OPHN1: variants seen among roughly 807,000 people sequenced by gnomAD.
OPHN1 encodes the protein oligophrenin-1.
Under a neutral mutation model 60.7 loss-of-function variants are expected in OPHN1, and 11 were observed. The observed-to-expected ratio is 0.18, with a 90% CI of 0.11 to 0.30. The LOEUF (loss-of-function observed/expected upper bound fraction) is 0.30. OPHN1 is among the 10% of genes least tolerant of loss of function. OPHN1 has a pLI of 1.00. For missense variants in OPHN1, 449 were observed against 611.0 expected, an observed-to-expected ratio of 0.73 and a Z score of 2.80; for synonymous variants, 226 against 222.6, an observed-to-expected ratio of 1.02 and a Z score of -0.14.
chrX:68,217,542 G>C (rs749033890), intron 6 of OPHN1, among the ~76,000 whole-genome samples: 2 of 110,102 alleles, frequency 1.8e-5, no homozygotes, highest in Admixed American at 1.9e-4. Flanking sequence ...TGACAGCTTT[G>C]AAGAGGGCAG....
intron 19 of OPHN1, among the ~76,000 whole-genome samples, chrX:68,096,373 T>G (rs1461394056): frequency 8.9e-6 from 1 of 112,118 alleles, no homozygotes; most frequent in Non-Finnish European, 1.9e-5. Context: ...TTTACCTGCT[T>G]CTTTGGGTCT....
chrX:68,086,213 G>GAAAAAAA (rs2076995069), intron 19 of OPHN1, among the ~76,000 whole-genome samples: 1 of 92,223 alleles, frequency 1.1e-5, no homozygotes. Context: ...AATCCTAAAA[G>GAAAAAAA]AATGGGAAAC....
intron 4 of OPHN1, among the ~76,000 whole-genome samples, chrX:68,276,195 C>A (rs1403796002): frequency 9.0e-6 from 1 of 111,329 alleles, no homozygotes; most frequent in Non-Finnish European, 1.9e-5. Flanking sequence ...AAAATCAGAC[C>A]TCTTGCCTGC....
At chrX:68,163,428 C>CTG (rs10549662) in intron 15 of OPHN1, among the ~76,000 whole-genome samples, 886 of 85,261 alleles carry the variant, frequency 0.01, 15 homozygotes, top group African/African-American at 0.039. Flanking sequence ...AAAATCCATT[C>CTG]TGTGTGTGTG....
At chrX:68,199,913 T>C (rs749111146) in intron 11 of OPHN1, among the ~76,000 whole-genome samples, 1 of 111,294 alleles carries the variant, frequency 9.0e-6, no homozygotes, top group African/African-American at 3.3e-5. Flanking sequence ...ATACAAAAAT[T>C]AGCTGGACAT....
At chrX:68,051,711 C>T (rs1018779176) in intron 23 of OPHN1, among the ~76,000 whole-genome samples, 2 of 109,708 alleles carry the variant, frequency 1.8e-5, no homozygotes, top group African/African-American at 3.3e-5. Context: ...AAAAAACTAA[C>T]AAAAAATATT....
At chrX:68,396,796 C>T (rs1402055119) in intron 2 of OPHN1, among the ~76,000 whole-genome samples, 4 of 111,312 alleles carry the variant, frequency 3.6e-5, no homozygotes, top group African/African-American at 1.3e-4. Flanking sequence ...GCCTGGGCGA[C>T]AGAGCGAGAC....
At chrX:68,198,611 T>A (rs978825685) in intron 11 of OPHN1, among the ~76,000 whole-genome samples, 1 of 111,821 alleles carries the variant, frequency 8.9e-6, no homozygotes, top group South Asian at 3.8e-4. Flanking sequence ...TGCATTCTCC[T>A]GGCTTGCTGA....
chrX:68,257,120 T>C (rs999589780), intron 5 of OPHN1, among the ~76,000 whole-genome samples: 1 of 112,290 alleles, frequency 8.9e-6, no homozygotes, highest in African/African-American at 3.2e-5. Flanking sequence ...AATGTAACTC[T>C]TTTATGCACT....
intron 15 of OPHN1, among the ~76,000 whole-genome samples, chrX:68,162,973 C>A (rs2077341272): frequency 9.0e-6 from 1 of 110,534 alleles, no homozygotes; most frequent in African/African-American, 3.3e-5. Flanking sequence ...TATAATAAAT[C>A]ATGTATTATT....
chrX:68,368,685 C>G (rs1423713958), intron 2 of OPHN1, among the ~76,000 whole-genome samples: 1 of 111,633 alleles, frequency 9.0e-6, no homozygotes, highest in Non-Finnish European at 1.9e-5. Context: ...TGGCTAAGTG[C>G]TGAAGGAGTA....
chrX:68,287,782 C>CTGTT (rs2078052067), intron 3 of OPHN1, among the ~76,000 whole-genome samples: 6 of 112,073 alleles, frequency 5.4e-5, no homozygotes, highest in African/African-American at 1.9e-4. Context: ...ATTTAATAAA[C>CTGTT]ATGCACTGTT....
At chrX:68,078,473 A>G (rs1049472802) in intron 19 of OPHN1, among the ~76,000 whole-genome samples, 12 of 111,955 alleles carry the variant, frequency 1.1e-4, no homozygotes, top group Non-Finnish European at 2.1e-4. Flanking sequence ...CATATTTATT[A>G]TGTTTATAGG....
At chrX:68,123,161 AAG>A (rs970647913) in intron 15 of OPHN1, among the ~76,000 whole-genome samples, 1 of 111,564 alleles carries the variant, frequency 9.0e-6, no homozygotes, top group Non-Finnish European at 1.9e-5. Flanking sequence ...CTTACAGGCC[AAG>A]AGAGAGTGGC....
chrX:68,209,308 A>C lies in OPHN1; in HGVS notation c.832+845T>G, dbSNP rs780263839. On this transcript the variant is annotated intron_variant, in intron 9 of 24. Transcript: ENST00000355520. Reference sequence around the variant, plus strand: ...CCACTTTACTTAGTCACCAATGAAAAACAGATACTGTCTTTCCCACTGGAA... The same window carrying C: ...CCACTTTACTTAGTCACCAATGAAACACAGATACTGTCTTTCCCACTGGAA... Among the ~76,000 whole-genome samples the C allele has an allele frequency of 3.6e-5, 4 of 112,439 alleles. No individual in the cohort carries two copies. The South Asian group carries it at 1.5e-3, about 42-fold the overall frequency.
chrX:68,161,228 G>A (rs2077333040), intron 15 of OPHN1, among the ~76,000 whole-genome samples: 1 of 110,663 alleles, frequency 9.0e-6, no homozygotes. Flanking sequence ...TGAGTAAAGA[G>A]ATTAAATTAC....
intron 3 of OPHN1, among the ~76,000 whole-genome samples, chrX:68,287,269 G>A (rs932896316): frequency 9.7e-5 from 9 of 92,893 alleles, no homozygotes; most frequent in African/African-American, 3.2e-4. Flanking sequence ...AAAGAAAAGA[G>A]AAGAGAAGGG....
intron 11 of OPHN1, among the ~76,000 whole-genome samples, chrX:68,200,700 A>T (rs778643185): frequency 2.6e-4 from 29 of 111,666 alleles, no homozygotes; most frequent in African/African-American, 9.4e-4. Flanking sequence ...TTATTCCCCA[A>T]TTTTTTTAAA....
At chrX:68,292,891 T>TC (rs1398217726) in intron 3 of OPHN1, among the ~76,000 whole-genome samples, 1 of 111,947 alleles carries the variant, frequency 8.9e-6, no homozygotes, top group Non-Finnish European at 1.9e-5. Flanking sequence ...GCTAGAACTT[T>TC]CCCCAGAAAA....
Sources: allele counts gnomAD v4.1 joint callset (sites outside exome capture counted in the v4.1 genomes callset), GRCh38; gene constraint gnomAD v4.1.1; transcripts MANE v1.5; gene names NCBI Gene and HGNC (gene_info 2026-07-23, HGNC 2026-07-21).